Variants in ELMO1 observed in about 807,000 individuals in gnomAD.
ELMO1 encodes engulfment and cell motility 1.
ELMO1 carries 26 observed loss-of-function variants against 98.9 expected under a neutral mutation model. That is an observed-to-expected ratio of 0.26 (90% CI 0.19 to 0.36). The LOEUF (loss-of-function observed/expected upper bound fraction) is 0.36. ELMO1 is among the 10% of genes least tolerant of loss of function. The pLI, the probability that ELMO1 is intolerant of heterozygous loss-of-function variation, is 1.00. For missense variants in ELMO1, 627 were observed against 935.2 expected (o/e 0.67, Z 4.30); for synonymous variants, 346 against 346.0 (o/e 1.00, Z 0.00).
chr7:37,262,420 A>G (rs1796021627), intron 5 of ELMO1, among the ~76,000 whole-genome samples: 1 of 152,184 alleles, frequency 6.6e-6, no homozygotes, highest in African/African-American at 2.4e-5. Context: ...GCCTTCTCCA[A>G]ATTGTCAAAC....
At chr7:36,960,411 A>AT (rs144575533) in intron 16 of ELMO1, among the ~76,000 whole-genome samples, 2,886 of 152,034 alleles carry the variant, frequency 0.019, 93 homozygotes, top group African/African-American at 0.066. Context: ...ATTTTATTTT[A>AT]TTTTTTGCCT....
At chr7:37,165,686 C>G (rs1202216315) in intron 13 of ELMO1, among the ~76,000 whole-genome samples, 3 of 152,010 alleles carry the variant, frequency 2.0e-5, no homozygotes, top group African/African-American at 4.8e-5. Flanking sequence ...AGGGATGAAG[C>G]CCACTTGATC....
intron 13 of ELMO1, among the ~76,000 whole-genome samples, chr7:37,148,439 T>G (rs1788141725): frequency 6.6e-6 from 1 of 152,200 alleles, no homozygotes; most frequent in South Asian, 2.1e-4. Context: ...AGGTATGTAA[T>G]TCATGAAAAT....
At chr7:37,096,565 T>C in intron 15 of ELMO1, 54 bp downstream of exon 15, 2 of 1,509,822 alleles carry the variant, frequency 1.3e-6, no homozygotes, top group African/African-American at 1.4e-5. Context: ...GGCACAACCC[T>C]GGAAGCTGGG....
At chr7:37,428,030 G>GGTGAGTGT (rs1554312253) in intron 1 of ELMO1, among the ~76,000 whole-genome samples, 2 of 149,792 alleles carry the variant, frequency 1.3e-5, no homozygotes, top group African/African-American at 4.9e-5. Context: ...GTATGCTTGG[G>GGTGAGTGT]GTGTGTGTGT....
intron 1 of ELMO1, among the ~76,000 whole-genome samples, chr7:37,418,767 G>A (rs1804343486): frequency 6.6e-6 from 1 of 152,142 alleles, no homozygotes; most frequent in African/African-American, 2.4e-5. Flanking sequence ...AAGTCATCTC[G>A]CAGGTATTAT....
chr7:37,205,506 T>TC (rs1172269744), intron 13 of ELMO1, among the ~76,000 whole-genome samples: 4 of 152,316 alleles, frequency 2.6e-5, no homozygotes, highest in Middle Eastern at 3.4e-3. Context: ...GCGTGGCATG[T>TC]CACAGCCTTC....
chr7:36,997,323 T>C (rs1026121357), intron 16 of ELMO1, among the ~76,000 whole-genome samples: 7 of 152,338 alleles, frequency 4.6e-5, no homozygotes, highest in Non-Finnish European at 1.0e-4. Context: ...GATTTTCTTT[T>C]GGTGGTATTT....
At chr7:37,252,064 G>A (rs963624035) in intron 6 of ELMO1, among the ~76,000 whole-genome samples, 3 of 152,150 alleles carry the variant, frequency 2.0e-5, no homozygotes, top group African/African-American at 7.2e-5. Flanking sequence ...ACAAACTACT[G>A]CTCAAGGAAA....
chr7:37,170,300 T>A (rs1424454034), intron 13 of ELMO1, among the ~76,000 whole-genome samples: 1 of 152,252 alleles, frequency 6.6e-6, no homozygotes, highest in Non-Finnish European at 1.5e-5. Flanking sequence ...TGGACAGCAG[T>A]CGCAAAGCAA....
intron 13 of ELMO1, among the ~76,000 whole-genome samples, chr7:37,170,279 T>C (rs1319637984): frequency 5.3e-5 from 8 of 152,254 alleles, no homozygotes; most frequent in Non-Finnish European, 2.9e-5. Context: ...CATCTTTCAA[T>C]TGCAGTCAGA....
chr7:37,158,523 C>T (rs1788961444), intron 13 of ELMO1, among the ~76,000 whole-genome samples: 1 of 152,208 alleles, frequency 6.6e-6, no homozygotes. Context: ...CAAAAGAAGA[C>T]ATTTATGCAG....
At chr7:37,270,933 T>G (rs1562570331) in intron 5 of ELMO1, 1 of 150,290 alleles carries the variant, frequency 6.7e-6, no homozygotes, top group African/African-American at 2.5e-5. Flanking sequence ...ACACTGACTT[T>G]TTCTTTTTTT....
chr7:37,025,024 C>T (rs1794488400), intron 15 of ELMO1, among the ~76,000 whole-genome samples: 2 of 152,122 alleles, frequency 1.3e-5, no homozygotes, highest in Non-Finnish European at 2.9e-5. Flanking sequence ...TGGGAATTTG[C>T]TTATAATTGA....
intron 21 of ELMO1, among the ~76,000 whole-genome samples, chr7:36,857,953 G>A (rs941224067): frequency 1.3e-5 from 2 of 152,124 alleles, no homozygotes; most frequent in Non-Finnish European, 2.9e-5. Flanking sequence ...GGACTCAGAT[G>A]CCAACCCAAT....
intron 13 of ELMO1, among the ~76,000 whole-genome samples, chr7:37,182,045 T>C (rs763261125): frequency 5.9e-5 from 9 of 151,814 alleles, no homozygotes; most frequent in Non-Finnish European, 1.3e-4. Flanking sequence ...TAAAAACACA[T>C]TTACATCCGT....
intron 16 of ELMO1, among the ~76,000 whole-genome samples, chr7:36,970,387 C>T (rs1223328518): frequency 6.6e-6 from 1 of 152,182 alleles, no homozygotes; most frequent in African/African-American, 2.4e-5. Flanking sequence ...GACATGATAA[C>T]CTGGTTGGGA....
At chr7:37,202,013 C>T (rs971383465) in intron 13 of ELMO1, among the ~76,000 whole-genome samples, 5 of 152,162 alleles carry the variant, frequency 3.3e-5, no homozygotes, top group Non-Finnish European at 7.4e-5. Flanking sequence ...CCCAAGGATC[C>T]TTCAGGTGAA....
At chr7:36,945,133 T>G (rs372394044) in intron 16 of ELMO1, among the ~76,000 whole-genome samples, 1 of 152,234 alleles carries the variant, frequency 6.6e-6, no homozygotes, top group Non-Finnish European at 1.5e-5. Flanking sequence ...CCTATTCCAG[T>G]TCTCAACATT....
Sources: allele counts gnomAD v4.1 joint callset (sites outside exome capture counted in the v4.1 genomes callset), GRCh38; gene constraint gnomAD v4.1.1; transcripts MANE v1.5; gene names NCBI Gene and HGNC (gene_info 2026-07-23, HGNC 2026-07-21).